Variants in CRB1 observed in about 807,000 individuals in gnomAD.
CRB1 encodes crumbs cell polarity complex component 1.
CRB1 carries 83 observed loss-of-function variants against 120.0 expected under a neutral mutation model. That is an observed-to-expected ratio of 0.69 (90% CI 0.58 to 0.83). CRB1 has a LOEUF of 0.83. CRB1 is among the 40% of genes least tolerant of loss of function. CRB1 has a pLI of 0.00. For synonymous variants in CRB1, 625 were observed against 612.5 expected (o/e 1.02, Z -0.30); for missense variants, 1,699 against 1,687.6 (o/e 1.01, Z -0.12).
chr1:197,362,143 AT>A (rs1660802346), intron 5 of CRB1, among the ~76,000 whole-genome samples: 2 of 151,764 alleles, frequency 1.3e-5, no homozygotes, highest in African/African-American at 4.8e-5. Context: ...CTGTTTAGAA[AT>A]TTTTCTCTTG....
intron 10 of CRB1, chr1:197,439,429 GT>G (rs1665324502): frequency 6.6e-6 from 1 of 152,122 alleles, no homozygotes; most frequent in Admixed American, 6.6e-5. Context: ...TGTAAAGAAG[GT>G]TTCATGATTT....
intron 1 of CRB1, among the ~76,000 whole-genome samples, chr1:197,327,091 CA>C (rs71131753): frequency 1.9e-4 from 5 of 25,702 alleles, no homozygotes; most frequent in South Asian, 1.4e-3. Context: ...TCTCACACAC[CA>C]AAAAAAAAAA....
chr1:197,282,919 A>G (rs561676509), intron 1 of CRB1, among the ~76,000 whole-genome samples: 1 of 151,702 alleles, frequency 6.6e-6, no homozygotes, highest in South Asian at 2.1e-4. Flanking sequence ...AATTTTGTTT[A>G]TTTCTTTCTG....
the CRB1 span, among the ~76,000 whole-genome samples, chr1:197,258,967 A>G: frequency 6.6e-6 from 1 of 152,242 alleles, no homozygotes; most frequent in Non-Finnish European, 1.5e-5. Flanking sequence ...TTATCCCGTC[A>G]TTAACTTTTA....
chr1:197,238,267 A>G, the CRB1 span, among the ~76,000 whole-genome samples: 2 of 152,100 alleles, frequency 1.3e-5, no homozygotes, highest in Admixed American at 1.3e-4. Flanking sequence ...ATGTGGAAAC[A>G]TAGAAACAAA....
intron 5 of CRB1, among the ~76,000 whole-genome samples, chr1:197,407,363 TA>T (rs1663465418): frequency 6.6e-6 from 1 of 152,222 alleles, no homozygotes; most frequent in African/African-American, 2.4e-5. Context: ...TTCTGCCTTT[TA>T]TCAAGAAACC....
chr1:197,341,602 C>T (rs144177945), intron 2 of CRB1, among the ~76,000 whole-genome samples: 19 of 152,214 alleles, frequency 1.2e-4, no homozygotes, highest in Non-Finnish European at 2.1e-4. Context: ...TATCTACATT[C>T]GCTTATGTGA....
intron 10 of CRB1, chr1:197,440,220 A>G (rs992138383): frequency 5.3e-5 from 8 of 152,192 alleles, no homozygotes; most frequent in African/African-American, 1.9e-4. Context: ...GGCACAATGC[A>G]TGGAACTCAT....
intron 8 of CRB1, among the ~76,000 whole-genome samples, chr1:197,433,646 G>A (rs116465309): frequency 2.6e-5 from 4 of 152,132 alleles, no homozygotes; most frequent in African/African-American, 9.6e-5. Flanking sequence ...TGTTTCGTGT[G>A]TATTTTTATT....
the CRB1 span, among the ~76,000 whole-genome samples, chr1:197,206,446 G>A: frequency 1.3e-5 from 2 of 152,056 alleles, no homozygotes; most frequent in African/African-American, 4.8e-5. Flanking sequence ...GTTTTGATAG[G>A]TTGTGTCACT....
At chr1:197,319,219 TGA>T (rs1244920741) in intron 1 of CRB1, among the ~76,000 whole-genome samples, 1 of 135,992 alleles carries the variant, frequency 7.4e-6, no homozygotes, top group Non-Finnish European at 1.5e-5. Flanking sequence ...GTCAGGAGTT[TGA>T]GACCAGCCTG....
chr1:197,428,998 C>T (rs1571543068), intron 7 of CRB1: 1 of 1,528,740 alleles, frequency 6.5e-7, no homozygotes. Context: ...GGGAAGGGCA[C>T]TCACTGAGTT....
intron 1 of CRB1, among the ~76,000 whole-genome samples, chr1:197,282,084 C>T (rs1382322437): frequency 6.6e-6 from 1 of 150,544 alleles, no homozygotes; most frequent in African/African-American, 2.4e-5. Flanking sequence ...AAAAGAAAAT[C>T]AAGTCTCTGA....
intron 2 of CRB1, among the ~76,000 whole-genome samples, chr1:197,329,493 A>T (rs956633996): frequency 6.6e-6 from 1 of 152,198 alleles, no homozygotes; most frequent in Non-Finnish European, 1.5e-5. Context: ...TTTATTAAGA[A>T]AAAAAGCCTG....
intron 1 of CRB1, among the ~76,000 whole-genome samples, chr1:197,294,905 G>A (rs559338034): frequency 5.3e-5 from 8 of 152,080 alleles, no homozygotes; most frequent in East Asian, 1.9e-4. Flanking sequence ...AGAGCCTGTC[G>A]TGGGGTAGAG....
At chr1:197,400,304 C>CCT (rs1372998900) in intron 5 of CRB1, among the ~76,000 whole-genome samples, 2 of 127,080 alleles carry the variant, frequency 1.6e-5, no homozygotes, top group African/African-American at 5.9e-5. Flanking sequence ...AATGTAAGAG[C>CCT]TTTTTTTTTT....
chr1:197,363,613 G>A (rs764031222), intron 5 of CRB1, among the ~76,000 whole-genome samples: 10 of 152,254 alleles, frequency 6.6e-5, no homozygotes, highest in Admixed American at 3.9e-4. Flanking sequence ...AAGGAAGGCC[G>A]GCTCGGCAGG....
chr1:197,339,861 T>A (rs1659354809), intron 2 of CRB1, among the ~76,000 whole-genome samples: 1 of 152,206 alleles, frequency 6.6e-6, no homozygotes. Context: ...ACTTTTGGGC[T>A]TTTGATTTAT....
At position 197,435,571 on chromosome 1, in the gene CRB1, T is replaced by C. The variant is rs1275275820; in HGVS notation, c.3708T>C (p.Tyr1236=). ...GATCISHTNG[Y]SCLCFGNFTG... is the part of the protein sequence containing the mutation. ...CCTGCATTAGTCATACTAATGGCTATTCTTGCCTCTGTTTTGGAAATTTTA... is the reference window on the plus strand; with the variant it reads ...CCTGCATTAGTCATACTAATGGCTACTCTTGCCTCTGTTTTGGAAATTTTA... Residue 1236 remains tyrosine, a synonymous_variant, in exon 9 of 12, where the codon TAT becomes TAC. Transcript: ENST00000367400. 1 of 1,613,470 alleles carries C rather than the reference T, an allele frequency of 6.2e-7. No individual in the cohort carries two copies. Among genetic ancestry groups the C allele is most frequent in the Non-Finnish European group, 8.5e-7 (1 of 1,179,668 alleles).
Sources: gnomAD v4.1 joint callset for allele counts (sites outside exome capture counted in the v4.1 genomes callset) on GRCh38, gnomAD v4.1.1 for gene constraint, MANE v1.5 for transcripts, NCBI Gene and HGNC (gene_info 2026-07-23, HGNC 2026-07-21) for gene names.